ARHGAP45: variants seen among roughly 807,000 people sequenced by gnomAD.
ARHGAP45 encodes the protein Rho GTPase activating protein 45, also known as rho GTPase-activating protein 45.
Under a neutral mutation model 116.1 loss-of-function variants are expected in ARHGAP45, and 56 were observed. That is an observed-to-expected ratio of 0.48 (90% CI 0.39 to 0.60). ARHGAP45 has a LOEUF of 0.60. ARHGAP45 is among the 20% of genes least tolerant of loss of function. The pLI, the probability that ARHGAP45 is intolerant of heterozygous loss-of-function variation, is 0.00. For missense variants in ARHGAP45, 1,622 were observed against 1,601.0 expected, an observed-to-expected ratio of 1.01 and a Z score of -0.22; for synonymous variants, 866 against 701.7, an observed-to-expected ratio of 1.23 and a Z score of -3.70.
chr19:1,067,248 G>T lies in ARHGAP45; in HGVS notation c.-158G>T. ...GCCTCCCCGAAGCCTTTTCCTGTTG[G>T]GGGGAGGGCCCGCCAGTGACGGCCG... is the stretch of plus-strand genomic sequence containing the variant. On this transcript the variant is annotated 5_prime_UTR_variant, in exon 1 of 23. Transcript: ENST00000313093. 9 of 1,380,048 alleles carry T rather than the reference G, an allele frequency of 6.5e-6. No individual in the cohort carries two copies. Among genetic ancestry groups the T allele is most frequent in the Admixed American group, 3.7e-5 (1 of 27,164 alleles). The allele number at this position is 1,380,048 out of a possible 1,614,324, so 85.5% of individuals were successfully genotyped here.
At chr19:1,082,013 CAGG>C in intron 19 of ARHGAP45, 52 bp downstream of exon 19, 1 of 1,564,712 alleles carries the variant, frequency 6.4e-7, no homozygotes, top group Non-Finnish European at 8.6e-7. Flanking sequence ...CGTAGCCAGG[CAGG>C]AGGAGGCGGG....
chr19:1,075,033 C>CCG (rs2094660510), intron 10 of ARHGAP45, among the ~76,000 whole-genome samples, 154 bp downstream of exon 10: 2 of 133,200 alleles, frequency 1.5e-5, no homozygotes, highest in South Asian at 4.6e-4. Flanking sequence ...GGCCGCCCCC[C>CCG]CCAACGCCAA....
chr19:1,066,242 G>A (rs768050751), upstream of ARHGAP45: 39 of 1,173,812 alleles, frequency 3.3e-5, no homozygotes, highest in Non-Finnish European at 4.4e-5. Flanking sequence ...GGGGACAGCA[G>A]GGAGACTTGG....
Position 1,071,353 on chromosome 19 carries a change from C to G in ARHGAP45, c.422-1796C>G. 7.5e-7 allele frequency: 1 copy of G among 1,335,242 alleles called. No individual in the cohort carries two copies. The highest frequency in any genetic ancestry group is 9.6e-7 in the Non-Finnish European group (1 of 1,047,068). 82.7% of individuals were successfully genotyped at this position (1,335,242 alleles called of 1,614,324 possible). The stretch of plus-strand genomic sequence containing the variant: ...GGCCCCGTGCGCTGCCGGGCGGGCC[C>G]CCGAGGTGAGGGGACAGGTGCCGGG... On this transcript the variant is annotated intron_variant, in intron 2 of 22. Coordinates refer to ENST00000313093, the MANE Select transcript of ARHGAP45 (RefSeq NM_012292.5). The surrounding 1 kb of genome is among the most constrained non-coding windows in gnomAD (Gnocchi z 4.6).
At position 1,077,525 on chromosome 19, in the gene ARHGAP45, A is replaced by C. The variant is rs571387371; in HGVS notation, c.1186-332A>C. The C allele has an allele frequency of 3.7e-4, 384 of 1,026,566 alleles. 1 individual carries two copies. In the African/African-American group the frequency reaches 5.9e-3, roughly 16 times the overall value. The allele number at this position is 1,026,566 out of a possible 1,614,324, so 63.6% of individuals were successfully genotyped here. On this transcript the variant is annotated intron_variant, in intron 10 of 22. Transcript: ENST00000313093. ...CAGCCTCCCGAGTAGCTGGGATTACAAGCGTGCACCACAATGCCCGGCTAA... is the reference window on the plus strand; with the variant it reads ...CAGCCTCCCGAGTAGCTGGGATTACCAGCGTGCACCACAATGCCCGGCTAA...
upstream of ARHGAP45, chr19:1,066,384 T>C: frequency 1.7e-6 from 1 of 576,184 alleles, no homozygotes; most frequent in Non-Finnish European, 3.1e-6. Context: ...GGTGCCTGCG[T>C]CCTGCTGCCC....
Position 1,079,768 on chromosome 19 carries a change from G to A in ARHGAP45, c.1440G>A (p.Leu480=), listed in dbSNP as rs761805053. 6.2e-7 allele frequency: 1 copy of A among 1,612,486 alleles called. No individual in the cohort carries two copies. Among genetic ancestry groups the A allele is most frequent in the Non-Finnish European group, 8.5e-7 (1 of 1,179,584 alleles). ...ACGCGAAGACGCAGAAGCAGGAGCTGGAGGATACCAAGGTGACGGCGCTGC... is the reference window on the plus strand; with the variant it reads ...ACGCGAAGACGCAGAAGCAGGAGCTAGAGGATACCAAGGTGACGGCGCTGC... The part of the protein sequence containing the change: ...VADAKTQKQE[L]EDTKVTALRQ... Residue 480 remains leucine (L), a synonymous_variant, in exon 12 of 23, where the codon CTG becomes CTA. Coordinates refer to ENST00000313093, the MANE Select transcript of ARHGAP45 (RefSeq NM_012292.5).
chr19:1,082,086 C>A, intron 19 of ARHGAP45, 125 bp downstream of exon 19: 1 of 141,274 alleles, frequency 7.1e-6, no homozygotes, highest in South Asian at 7.7e-5. Context: ...AAGCGGGGGC[C>A]TGGGGAGGAC....
Position 1,081,502 on chromosome 19 carries a change from T to C in ARHGAP45, c.2191-48T>C, listed in dbSNP as rs562531501. The C allele has an allele frequency of 1.7e-4, 244 of 1,435,462 alleles. No homozygotes were observed. In the African/African-American group the frequency reaches 3.3e-3, roughly 20 times the overall value. 88.9% of individuals were successfully genotyped at this position (1,435,462 alleles called of 1,614,324 possible). A position where few individuals can be genotyped will look rare whatever the true frequency, so the allele number is the denominator to read the frequency against. On this transcript the variant is annotated intron_variant, in intron 17 of 22. Coordinates refer to ENST00000313093, the MANE Select transcript of ARHGAP45 (RefSeq NM_012292.5). ...GGGGTGGAGCCGCTGGGGGCTGCGC[T>C]GAGCTGGGCGCCCCGGGGCTGGGCT...
At chr19:1,072,946 C>T (rs1391895492) in intron 2 of ARHGAP45, among the ~76,000 whole-genome samples, 1 of 152,230 alleles carries the variant, frequency 6.6e-6, no homozygotes, top group African/African-American at 2.4e-5. Flanking sequence ...AGGCCAACGT[C>T]TGGCCTTTGT....
Position 1,085,700 on chromosome 19 carries a change from G to A in ARHGAP45, c.3105G>A (p.Glu1035=), listed in dbSNP as rs895810903. The change falls in exon 23 of 23, where the codon GAG becomes GAA. Residue 1035 remains glutamate, a synonymous_variant. Transcript: ENST00000313093. The part of the protein sequence containing the change: ...VVSNDSDSDL[E]EASELLSSSE... ...CCAACGATTCGGACTCGGACCTAGA[G>A]GAGGCCTCCGAGCTGCTGTCCTCAT... 4 of 1,600,852 alleles carry A rather than the reference G, an allele frequency of 2.5e-6. No homozygotes were observed. Among genetic ancestry groups the A allele is most frequent in the Non-Finnish European group, 2.6e-6 (3 of 1,172,262 alleles).
At chr19:1,066,101 C>A (rs1449651835), upstream of ARHGAP45, 1 of 1,535,718 alleles carries the variant, frequency 6.5e-7, no homozygotes, top group Non-Finnish European at 8.7e-7. Flanking sequence ...GAGAGCCAGA[C>A]TTGGAGCAAG....
chr19:1,082,981 C>T lies in ARHGAP45; in HGVS notation c.2659C>T (p.Leu887=), dbSNP rs2043487494. The T allele has an allele frequency of 1.3e-6, 2 of 1,554,488 alleles. No individual in the cohort carries two copies. Among genetic ancestry groups the T allele is most frequent in the African/African-American group, 1.3e-5 (1 of 74,158 alleles). The part of the protein sequence containing the change: ...GSESEAVAVA[L]AGRLRELLRD... Reference sequence around the variant, plus strand: ...GGAGAGCGAGGCAGTGGCGGTGGCCCTGGCAGGTCGGCTGCGGGAGCTCCT... The same window carrying T: ...GGAGAGCGAGGCAGTGGCGGTGGCCTTGGCAGGTCGGCTGCGGGAGCTCCT... The change falls in exon 20 of 23, where the codon CTG becomes TTG. Residue 887 remains leucine (L), a synonymous_variant. Transcript: ENST00000313093.
rs1599773768 is a variant in ARHGAP45 at position 1,083,460 on chromosome 19, A to T, written c.2955+107A>T. 7 of 1,075,732 alleles carry T rather than the reference A, an allele frequency of 6.5e-6. No homozygotes were observed. In the East Asian group the frequency reaches 1.8e-4, roughly 28 times the overall value. 66.6% of individuals were successfully genotyped at this position (1,075,732 alleles called of 1,614,324 possible). A position where few individuals can be genotyped will look rare whatever the true frequency, so the allele number is the denominator to read the frequency against. ...GAAGCCCAAGGAACCACAGGGAGAT[A>T]ATTTGGTTTGGACAGGGCTGTTCGG... On this transcript the variant is annotated intron_variant, in intron 21 of 22. Transcript: ENST00000313093.
rs2043109169 is a variant in ARHGAP45 at position 1,069,978 on chromosome 19, G to A, written c.421+1234G>A. On this transcript the variant is annotated intron_variant, in intron 2 of 22. Transcript: ENST00000313093. This position sits in a 1 kb window ranked among gnomAD's most constrained non-coding sequence, Gnocchi z 4.1. The stretch of plus-strand genomic sequence containing the variant: ...ACTACAGGCATGAGCCACTGCACCT[G>A]ATTTATTTTATTTTATTTATTTTAT... Among the ~76,000 whole-genome samples, 6 of 151,956 alleles carry A rather than the reference G, an allele frequency of 3.9e-5. No homozygotes were observed. Among genetic ancestry groups the A allele is most frequent in the Admixed American group, 3.9e-4 (6 of 15,246 alleles).
At chr19:1,081,255 C>A (rs948879927) in intron 17 of ARHGAP45, among the ~76,000 whole-genome samples, 191 bp downstream of exon 17, 1 of 152,060 alleles carries the variant, frequency 6.6e-6, no homozygotes, top group African/African-American at 2.4e-5. Context: ...CTCTCTGAGG[C>A]AGCGAGGCAG....
Position 1,077,837 on chromosome 19 carries a change from C to T in ARHGAP45, c.1186-20C>T. On this transcript the variant is annotated intron_variant, in intron 10 of 22. Coordinates refer to ENST00000313093, the MANE Select transcript of ARHGAP45 (RefSeq NM_012292.5). The stretch of plus-strand genomic sequence containing the variant: ...CCGAGGATAGGGTTGGAACTGGCCT[C>T]CTGGCTCCCACACCCACAGCAAGAG... 1 of 1,551,492 alleles carries T rather than the reference C, an allele frequency of 6.4e-7. No individual in the cohort carries two copies. The highest frequency in any genetic ancestry group is 2.4e-5 in the East Asian group (1 of 40,958).
intron 21 of ARHGAP45, among the ~76,000 whole-genome samples, chr19:1,083,749 C>A (rs1047853213): frequency 1.3e-5 from 2 of 152,182 alleles, no homozygotes; most frequent in Non-Finnish European, 2.9e-5. Context: ...TTCAGATTTT[C>A]TTTTCTGGGA....
At chr19:1,085,494 C>T (rs933744748) in intron 22 of ARHGAP45, among the ~76,000 whole-genome samples, 166 bp from the exon 23 acceptor site, 3 of 112,318 alleles carry the variant, frequency 2.7e-5, no homozygotes, top group Non-Finnish European at 6.3e-5. Context: ...CTGTCTGTCC[C>T]TCCCCTTGTC....
Sources: allele counts gnomAD v4.1 joint callset (sites outside exome capture counted in the v4.1 genomes callset), GRCh38; gene constraint gnomAD v4.1.1; non-coding constraint Gnocchi (gnomAD v3.1); transcripts MANE v1.5; gene names NCBI Gene and HGNC (gene_info 2026-07-23, HGNC 2026-07-21).